The following FGFR2 variants were observed in gnomAD, a reference collection of about 807,000 sequenced individuals.
FGFR2 encodes the protein fibroblast growth factor receptor 2.
Under a neutral mutation model 95.9 loss-of-function variants are expected in FGFR2, and 19 were observed. The observed-to-expected ratio is 0.20, with a 90% CI of 0.14 to 0.29. FGFR2 has a LOEUF of 0.29. FGFR2 is among the 10% of genes least tolerant of loss of function. FGFR2 has a pLI of 1.00. For missense variants in FGFR2, 707 were observed against 1,056.9 expected (o/e 0.67, Z 4.59); for synonymous variants, 392 against 393.3 (o/e 1.00, Z 0.04).
intron 4 of FGFR2, among the ~76,000 whole-genome samples, chr10:121,555,147 C>T (rs1010203954): frequency 1.3e-5 from 2 of 152,080 alleles, no homozygotes; most frequent in African/African-American, 2.4e-5. Context: ...CCGAGGTGGG[C>T]GGATCACCTG....
In FGFR2 at chr10:121,573,707, G is replaced by A. The variant is rs1229117466; in HGVS notation, c.110-8003C>T. Among the ~76,000 whole-genome samples the A allele has an allele frequency of 5.9e-5, 9 of 152,062 alleles. No homozygotes were observed. The East Asian group carries it at 1.7e-3, about 29-fold the overall frequency. ...GGCAGAGAGAAGAGGCAGGTTAGGA[G>A]CACACCCGGGAGGCATGTCCTGTCA... On this transcript the variant is annotated intron_variant, in intron 2 of 17. Coordinates refer to ENST00000358487, the MANE Select transcript of FGFR2 (RefSeq NM_000141.5).
intron 2 of FGFR2, among the ~76,000 whole-genome samples, chr10:121,593,045 T>G (rs978772501): frequency 6.6e-6 from 1 of 152,088 alleles, no homozygotes; most frequent in Non-Finnish European, 1.5e-5. Context: ...AAATTAAATT[T>G]CCAAAGCTGT....
At chr10:121,515,045 A>G in intron 9 of FGFR2, 72 bp downstream of exon 9, 1 of 1,426,914 alleles carries the variant, frequency 7.0e-7, no homozygotes, top group Non-Finnish European at 9.8e-7. Flanking sequence ...GCATCAAAGC[A>G]GAGGACAAGA....
chr10:121,484,542 G>C (rs1845163892), intron 16 of FGFR2, among the ~76,000 whole-genome samples: 1 of 152,228 alleles, frequency 6.6e-6, no homozygotes, highest in Non-Finnish European at 1.5e-5. Context: ...CGGGATTACT[G>C]ATATAAAATC....
chr10:121,535,464 T>G (rs1052979072), intron 6 of FGFR2, among the ~76,000 whole-genome samples: 2 of 152,202 alleles, frequency 1.3e-5, no homozygotes, highest in Admixed American at 1.3e-4. Flanking sequence ...CTTTTTTTGT[T>G]CTAACATTCA....
In FGFR2 at chr10:121,496,369, C is replaced by G. The variant is rs140078722; in HGVS notation, c.1863+163G>C. On this transcript the variant is annotated intron_variant, in intron 13 of 17. Coordinates refer to ENST00000358487, the MANE Select transcript of FGFR2 (RefSeq NM_000141.5). Reference sequence around the variant, plus strand: ...TTTATGAGGCTGCTTTGGTTTTAAACAGTTCATTAAACTCAAATGGGAATA... The same window carrying G: ...TTTATGAGGCTGCTTTGGTTTTAAAGAGTTCATTAAACTCAAATGGGAATA... 1.6e-3 allele frequency among the ~76,000 whole-genome samples: 248 copies of G among 152,340 alleles called. 1 individual carries two copies. The highest frequency in any genetic ancestry group is 5.2e-3 in the African/African-American group (218 of 41,578).
At chr10:121,574,951 G>C (rs1859477458) in intron 2 of FGFR2, among the ~76,000 whole-genome samples, 1 of 152,200 alleles carries the variant, frequency 6.6e-6, no homozygotes, top group Non-Finnish European at 1.5e-5. Flanking sequence ...GTGTCTGGTA[G>C]ACACAAGTCG....
At chr10:121,495,035 A>G (rs932553258) in intron 13 of FGFR2, among the ~76,000 whole-genome samples, 3 of 152,090 alleles carry the variant, frequency 2.0e-5, no homozygotes, top group African/African-American at 7.2e-5. Flanking sequence ...CCGTCTCCCC[A>G]GCAGTTTTTG....
rs181671614 is a variant in FGFR2, at chr10:121,517,215, T to C, written c.1084+104A>G. On this transcript the variant is annotated intron_variant, in intron 8 of 17. Transcript: ENST00000358487. The surrounding 1 kb of genome is among the most constrained non-coding windows in gnomAD (Gnocchi z 4.7). ...ATTTTTAACATTTTTTATATCTTTA[T>C]GCAAGGATAAAAGGGGCCATTTCTG... The C allele has an allele frequency of 7.0e-4, 887 of 1,273,996 alleles. 13 individuals are homozygous for C. In the East Asian group the frequency reaches 0.018, roughly 26 times the overall value. The allele number at this position is 1,273,996 out of a possible 1,614,324, so 78.9% of individuals were successfully genotyped here.
intron 1 of FGFR2, 99 bp downstream of exon 1, chr10:121,597,863 C>G: frequency 2.6e-6 from 1 of 379,130 alleles, no homozygotes; most frequent in Non-Finnish European, 4.7e-6. Context: ...TCCTTCCGCG[C>G]CCCCCGCCCG....
intron 1 of FGFR2, chr10:121,594,193 C>T (rs963341963): frequency 2.3e-6 from 1 of 441,282 alleles, no homozygotes; most frequent in Non-Finnish European, 4.2e-6. Context: ...TTTTAAGAAA[C>T]AGAGATAAAA....
intron 5 of FGFR2, 59 bp from the exon 6 acceptor site, chr10:121,538,774 T>C (rs2134612530): frequency 1.2e-6 from 2 of 1,609,526 alleles, no homozygotes; most frequent in Non-Finnish European, 8.5e-7. Flanking sequence ...TACCAAGTAC[T>C]GTGCTTTCTT....
chr10:121,570,862 T>C (rs1033375000), intron 2 of FGFR2, among the ~76,000 whole-genome samples: 2 of 152,220 alleles, frequency 1.3e-5, no homozygotes, highest in Non-Finnish European at 2.9e-5. Context: ...AGCTCAACAC[T>C]CGTTTCTACT....
chr10:121,512,777 T>G (rs1346269507), intron 9 of FGFR2, among the ~76,000 whole-genome samples: 1 of 151,984 alleles, frequency 6.6e-6, no homozygotes, highest in Non-Finnish European at 1.5e-5. Flanking sequence ...GATGAATAAA[T>G]AAAGGAAGGA....
Position 121,543,780 on chromosome 10 carries a change from G to A in FGFR2, c.625-5065C>T, listed in dbSNP as rs376892356. The stretch of plus-strand genomic sequence containing the variant: ...AACAGGGCCGGGCAATCTGATCCTC[G>A]GGACCAGTGGCAGAAACTCTTCCCT... On this transcript the variant is annotated intron_variant, in intron 5 of 17. Transcript: ENST00000358487. 9.2e-5 allele frequency among the ~76,000 whole-genome samples: 14 copies of A among 152,210 alleles called. No individual in the cohort carries two copies. The East Asian group carries it at 2.1e-3, about 23-fold the overall frequency.
intron 17 of FGFR2, 84 bp downstream of exon 17, chr10:121,483,614 C>T (rs2133763294): frequency 1.0e-6 from 1 of 967,298 alleles, no homozygotes; most frequent in Non-Finnish European, 1.6e-6. Flanking sequence ...CAACCAACAG[C>T]CAACAGGGGA....
At chr10:121,569,657 C>T (rs1184909613) in intron 2 of FGFR2, among the ~76,000 whole-genome samples, 1 of 152,164 alleles carries the variant, frequency 6.6e-6, no homozygotes, top group East Asian at 1.9e-4. Flanking sequence ...TCTAGATATC[C>T]AAGCTTCAAG....
At chr10:121,515,620 G>A (rs1297895205) in intron 8 of FGFR2, among the ~76,000 whole-genome samples, 3 of 152,076 alleles carry the variant, frequency 2.0e-5, no homozygotes, top group East Asian at 1.9e-4. Flanking sequence ...AGTGGAGGAC[G>A]ACCAACTGTA....
In FGFR2 at chr10:121,485,935, G is replaced by A. The variant is rs896523591; in HGVS notation, c.2058-403C>T. ...AGAATAAGGCCAGCAAGCCAACTCC[G>A]CAGGATCACAGCTGCCCTGTGTGGC... On this transcript the variant is annotated intron_variant, in intron 15 of 17. Coordinates refer to ENST00000358487, the MANE Select transcript of FGFR2 (RefSeq NM_000141.5). This position sits in a 1 kb window ranked among gnomAD's most constrained non-coding sequence, Gnocchi z 4.2. Among the ~76,000 whole-genome samples, 1 of 152,200 alleles carries A rather than the reference G, an allele frequency of 6.6e-6. No individual in the cohort carries two copies. The highest frequency in any genetic ancestry group is 1.5e-5 in the Non-Finnish European group (1 of 68,050).
Sources: gnomAD v4.1 joint callset for allele counts (sites outside exome capture counted in the v4.1 genomes callset) on GRCh38, gnomAD v4.1.1 for gene constraint, Gnocchi (gnomAD v3.1) non-coding constraint, MANE v1.5 for transcripts, NCBI Gene and HGNC (gene_info 2026-07-23, HGNC 2026-07-21) for gene names.